The following SH3GLB2 variants were observed in gnomAD, a reference collection of about 807,000 sequenced individuals.
SH3GLB2 encodes SH3 domain containing GRB2 like, endophilin B2.
A neutral mutation model predicts 48.0 loss-of-function variants in SH3GLB2; 24 were observed. The ratio of observed to expected loss-of-function variants is 0.50; its 90% CI spans 0.36 to 0.70. SH3GLB2 has a LOEUF of 0.70. SH3GLB2 is among the 30% of genes least tolerant of loss of function. The pLI is 0.00. For missense variants in SH3GLB2, 425 were observed against 516.0 expected (o/e 0.82, Z 1.71); for synonymous variants, 227 against 207.6 (o/e 1.09, Z -0.80).
Position 129,014,103 on chromosome 9 carries a change from G to A in SH3GLB2, c.561+308C>T, listed in dbSNP as rs1232179459. 3 of 603,584 alleles carry A rather than the reference G, an allele frequency of 5.0e-6. No homozygotes were observed. Among genetic ancestry groups the A allele is most frequent in the Non-Finnish European group, 9.3e-6 (3 of 322,360 alleles). 37.4% of individuals were successfully genotyped at this position (603,584 alleles called of 1,614,324 possible). ...CCCGGGCAGAGCCGGGGACAGAGCC[G>A]AGCATCTAGGAGGGCAGGGCAGGGC... On this transcript the variant is annotated intron_variant, in intron 5 of 10. Coordinates refer to ENST00000372564, the MANE Select transcript of SH3GLB2 (RefSeq NM_020145.4). This position sits in a 1 kb window ranked among gnomAD's most constrained non-coding sequence, Gnocchi z 4.1.
At chr9:129,015,905 T>A (rs1409622508) in intron 3 of SH3GLB2, 1 of 279,992 alleles carries the variant, frequency 3.6e-6, no homozygotes, top group African/African-American at 2.3e-5. Flanking sequence ...ATGGTTTGAT[T>A]CATCACATAC....
rs1491539607 is a variant in SH3GLB2 at position 129,016,341 on chromosome 9, TTA to T, written c.335-1439_335-1438del. Among the ~76,000 whole-genome samples the T allele has an allele frequency of 1.5e-3, 170 of 111,110 alleles. 9 individuals are homozygous for T. The East Asian group carries it at 0.025, about 16-fold the overall frequency. 72.9% of individuals were successfully genotyped at this position (111,110 alleles called of 152,430 possible). ...CTGGGCAACAAGAGCAAGACTGTCT[TTA>T]AAAAAAAAAAAAAAAAAAAAAAAAA... On this transcript the variant is annotated intron_variant, in intron 3 of 10. Coordinates refer to ENST00000372564, the MANE Select transcript of SH3GLB2 (RefSeq NM_020145.4).
rs759957235 is a variant in SH3GLB2 at position 129,012,318 on chromosome 9, A to G, written c.562-20T>C. The G allele has an allele frequency of 4.7e-6, 6 of 1,285,274 alleles. No individual in the cohort carries two copies. The African/African-American group carries it at 6.1e-5, about 13-fold the overall frequency. 79.6% of individuals were successfully genotyped at this position (1,285,274 alleles called of 1,614,324 possible). A position where few individuals can be genotyped will look rare whatever the true frequency, so the allele number is the denominator to read the frequency against. On this transcript the variant is annotated intron_variant, in intron 5 of 10. Coordinates refer to ENST00000372564, the MANE Select transcript of SH3GLB2 (RefSeq NM_020145.4). Reference sequence around the variant, plus strand: ...CACCGTCTGGCGGGGAACAGAGTTCATGTGGGGAGGGGGTCACCCTGGGCC... The same window carrying G: ...CACCGTCTGGCGGGGAACAGAGTTCGTGTGGGGAGGGGGTCACCCTGGGCC...
At chr9:129,022,459 GAGAGCTCAGAA>G in intron 1 of SH3GLB2, 36 bp from the exon 2 acceptor site, 5 of 1,521,236 alleles carry the variant, frequency 3.3e-6, no homozygotes, top group East Asian at 2.3e-5. Context: ...TGGGGAGGGG[GAGAGCTCAGAA>G]GGAGGTGGGG....
chr9:129,021,834 C>T (rs1843820961), intron 2 of SH3GLB2, among the ~76,000 whole-genome samples: 1 of 151,840 alleles, frequency 6.6e-6, no homozygotes, highest in African/African-American at 2.4e-5. Flanking sequence ...TGGCATGTGC[C>T]TGTAGTCCCA....
Position 129,008,486 on chromosome 9 carries a change from G to A in SH3GLB2, c.*198C>T, listed in dbSNP as rs1842890823. The A allele has an allele frequency of 1.8e-6, 1 of 549,710 alleles. No individual in the cohort carries two copies. The highest frequency in any genetic ancestry group is 1.9e-5 in the African/African-American group (1 of 52,822). The allele number at this position is 549,710 out of a possible 1,614,324, so 34.1% of individuals were successfully genotyped here. A position where few individuals can be genotyped will look rare whatever the true frequency, so the allele number is the denominator to read the frequency against. ...AGGGGCAGGGGCTCCAGAGCCACAGGTCAGAAGCAGGGCTGGGGGAGGGGT... is the reference window on the plus strand; with the variant it reads ...AGGGGCAGGGGCTCCAGAGCCACAGATCAGAAGCAGGGCTGGGGGAGGGGT... On this transcript the variant is annotated 3_prime_UTR_variant, in exon 11 of 11. Transcript: ENST00000372564.
rs2131240421 is a variant in SH3GLB2 at position 129,011,964 on chromosome 9, C to T, written c.624+272G>A. ...TGGGACAGCTGCCGCCCTGAGTTCT[C>T]CACACTACTCAGTGTGGCTGGCCCT... On this transcript the variant is annotated intron_variant, in intron 6 of 10. Transcript: ENST00000372564. This position sits in a 1 kb window ranked among gnomAD's most constrained non-coding sequence, Gnocchi z 4.5. The T allele has an allele frequency of 5.3e-6, 2 of 374,652 alleles. 1 individual carries two copies. The highest frequency in any genetic ancestry group is 2.9e-4 in the South Asian group (2 of 6,836). 23.2% of individuals were successfully genotyped at this position (374,652 alleles called of 1,614,324 possible).
intron 1 of SH3GLB2, among the ~76,000 whole-genome samples, chr9:129,027,484 C>T (rs1844226447): frequency 6.6e-6 from 1 of 152,196 alleles, no homozygotes; most frequent in African/African-American, 2.4e-5. Context: ...CCAATCTCAG[C>T]ATCGTGGGCC....
In SH3GLB2 at chr9:129,007,725, C is replaced by T. The variant is rs760446196; in HGVS notation, c.*959G>A. 8 of 152,222 alleles carry T rather than the reference C, an allele frequency of 5.3e-5. No individual in the cohort carries two copies. Among genetic ancestry groups the T allele is most frequent in the South Asian group, 2.1e-4 (1 of 4,832 alleles). The allele number at this position is 152,222 out of a possible 1,614,324, so 9.4% of individuals were successfully genotyped here. ...CGCCCGACCTGCAGACAGCACTGACCGCTACCCACTTCTTGTGCTTGAACT... is the reference window on the plus strand; with the variant it reads ...CGCCCGACCTGCAGACAGCACTGACTGCTACCCACTTCTTGTGCTTGAACT... On this transcript the variant is annotated 3_prime_UTR_variant, in exon 11 of 11. Transcript: ENST00000372564.
At chr9:129,026,622 A>G (rs1458715803) in intron 1 of SH3GLB2, among the ~76,000 whole-genome samples, 1 of 145,964 alleles carries the variant, frequency 6.9e-6, no homozygotes, top group Non-Finnish European at 1.5e-5. Context: ...AGCTCCCACC[A>G]AGCGGAGCCA....
chr9:129,022,266 A>G lies in SH3GLB2; in HGVS notation c.205+16T>C, dbSNP rs201485191. ...CACGACTACATCCCTCCCCGGGCCC[A>G]CGAACACGCACTCACTGGGGTTGGG... On this transcript the variant is annotated intron_variant, in intron 2 of 10. Transcript: ENST00000372564. 1 of 1,611,982 alleles carries G rather than the reference A, an allele frequency of 6.2e-7. No homozygotes were observed. Among genetic ancestry groups the G allele is most frequent in the East Asian group, 2.2e-5 (1 of 44,834 alleles).
intron 3 of SH3GLB2, among the ~76,000 whole-genome samples, chr9:129,017,882 A>T (rs1040821889): frequency 3.4e-5 from 5 of 148,322 alleles, no homozygotes; most frequent in Non-Finnish European, 4.4e-5. Flanking sequence ...TGGGCGACAG[A>T]GCGAGATTCC....
In SH3GLB2 at chr9:129,028,101, C is replaced by G; in HGVS notation, c.54G>C (p.Arg18=). ...CGACGCCAGGCCTCACCTGCACCGC[C>G]CGGGTGAAGAAGATGCCCGCGTCCG... ...LASDAGIFFT[R]AVQFTEEKFG... The change falls in exon 1 of 11, where the codon CGG becomes CGC. Residue 18 remains arginine, a synonymous_variant. Coordinates refer to ENST00000372564, the MANE Select transcript of SH3GLB2 (RefSeq NM_020145.4). The G allele has an allele frequency of 1.3e-6, 2 of 1,501,498 alleles. No individual in the cohort carries two copies. The highest frequency in any genetic ancestry group is 1.8e-6 in the Non-Finnish European group (2 of 1,128,236). 93.0% of individuals were successfully genotyped at this position (1,501,498 alleles called of 1,614,324 possible). A position where few individuals can be genotyped will look rare whatever the true frequency, so the allele number is the denominator to read the frequency against.
rs1031699979 is a variant in SH3GLB2, at chr9:129,010,565, G to A, written c.648+105C>T. On this transcript the variant is annotated intron_variant, in intron 7 of 10. Coordinates refer to ENST00000372564, the MANE Select transcript of SH3GLB2 (RefSeq NM_020145.4). ...GGGAAAGCAGTAACCCCTCCCCAGT[G>A]GGTGTGGGGCAGAGTGAGAAACAGA... The A allele has an allele frequency of 6.9e-6, 9 of 1,304,508 alleles. No individual in the cohort carries two copies. The African/African-American group carries it at 1.2e-4, about 17-fold the overall frequency. The allele number at this position is 1,304,508 out of a possible 1,614,324, so 80.8% of individuals were successfully genotyped here. A position where few individuals can be genotyped will look rare whatever the true frequency, so the allele number is the denominator to read the frequency against.
chr9:129,009,275 G>T lies in SH3GLB2; in HGVS notation c.911C>A (p.Ala304Asp). Residue 304 changes from alanine (A) to aspartate (D), a missense_variant, in exon 10 of 11, where the codon GCT becomes GAT. Transcript: ENST00000372564. ...PPLSSTSPTT[A>D]AATMPVVPSV... ...GGGCACCACAGGCATAGTGGCCGCA[G>T]CAGTGGTGGGTGAGGTGCTGCTCAG... is the stretch of plus-strand genomic sequence containing the variant. 6.4e-7 allele frequency: 1 copy of T among 1,568,304 alleles called. No homozygotes were observed. The highest frequency in any genetic ancestry group is 8.7e-7 in the Non-Finnish European group (1 of 1,155,982).
chr9:129,014,680 GC>G lies in SH3GLB2; in HGVS notation c.468+90del. On this transcript the variant is annotated intron_variant, in intron 4 of 10. Coordinates refer to ENST00000372564, the MANE Select transcript of SH3GLB2 (RefSeq NM_020145.4). This position sits in a 1 kb window ranked among gnomAD's most constrained non-coding sequence, Gnocchi z 4.1. ...CTGGGGAGGCCTCAGGAGTTTTGTAGCCCCAGCACTGGAAGAGAGCCTGTAC... is the reference window on the plus strand; with the variant it reads ...CTGGGGAGGCCTCAGGAGTTTTGTAGCCCAGCACTGGAAGAGAGCCTGTAC... 1.2e-5 allele frequency: 19 copies of G among 1,547,030 alleles called. No individual in the cohort carries two copies. The highest frequency in any genetic ancestry group is 1.4e-5 in the Non-Finnish European group (16 of 1,143,788).
chr9:129,022,180 G>A (rs369693171), intron 2 of SH3GLB2, 102 bp downstream of exon 2: 237 of 1,493,928 alleles, frequency 1.6e-4, no homozygotes, highest in African/African-American at 1.9e-4. Context: ...CTGAAACCCC[G>A]GCTGCAGCCC....
In SH3GLB2 at chr9:129,012,275, A is replaced by G; in HGVS notation, c.585T>C (p.Thr195=). 5 of 1,304,300 alleles carry G rather than the reference A, an allele frequency of 3.8e-6. No homozygotes were observed. Among genetic ancestry groups the G allele is most frequent in the African/African-American group, 1.5e-5 (1 of 66,294 alleles). The allele number at this position is 1,304,300 out of a possible 1,614,324, so 80.8% of individuals were successfully genotyped here. Reference sequence around the variant, plus strand: ...CCGAGAGAATGTAATTACGAGGTCTAGTCTCCTGAAAGTCAGGCACCGTCT... The same window carrying G: ...CCGAGAGAATGTAATTACGAGGTCTGGTCTCCTGAAAGTCAGGCACCGTCT... ...KATTVPDFQE[T]RPRNYILSAS... Residue 195 remains threonine, a synonymous_variant, in exon 6 of 11, where the codon ACT becomes ACC. Coordinates refer to ENST00000372564, the MANE Select transcript of SH3GLB2 (RefSeq NM_020145.4).
chr9:129,016,342 TAAAAAAAAA>T (rs57505648), intron 3 of SH3GLB2, among the ~76,000 whole-genome samples: 18 of 34,074 alleles, frequency 5.3e-4, no homozygotes, highest in Middle Eastern at 0.019. Context: ...AGACTGTCTT[TAAAAAAAAA>T]AAAAAAAAAA....
Sources: gnomAD v4.1 joint callset for allele counts (sites outside exome capture counted in the v4.1 genomes callset) on GRCh38, gnomAD v4.1.1 for gene constraint, Gnocchi (gnomAD v3.1) non-coding constraint, MANE v1.5 for transcripts, NCBI Gene and HGNC (gene_info 2026-07-23, HGNC 2026-07-21) for gene names.